The following RAPGEF2 variants were observed in gnomAD, a reference collection of about 807,000 sequenced individuals.
RAPGEF2 encodes PDZ domain containing guanine nucleotide exchange factor (GEF) 1.
Under a neutral mutation model 186.7 loss-of-function variants are expected in RAPGEF2, and 54 were observed. The ratio of observed to expected loss-of-function variants is 0.29; its 90% CI spans 0.23 to 0.36. RAPGEF2 has a LOEUF of 0.36. Among genes scored for constraint, RAPGEF2 ranks in the 10% least tolerant of loss-of-function variants. RAPGEF2 has a pLI of 1.00. For missense variants in RAPGEF2, 1,532 were observed against 2,045.0 expected (o/e 0.75, Z 4.84); for synonymous variants, 712 against 705.9 (o/e 1.01, Z -0.14).
rs116112045 is a variant in RAPGEF2 at position 159,265,169 on chromosome 4, C to T, written c.543+21378C>T. Reference sequence around the variant, plus strand: ...GTCAGTGGAAGGTTCACTCACTCAACAAGAACGTGAGTGCCTACAGTGCTT... The same window carrying T: ...GTCAGTGGAAGGTTCACTCACTCAATAAGAACGTGAGTGCCTACAGTGCTT... On this transcript the variant is annotated intron_variant, in intron 7 of 29. Coordinates refer to ENST00000691494, the MANE Select transcript of RAPGEF2 (RefSeq NM_001394067.2). Among the ~76,000 whole-genome samples, 480 of 152,284 alleles carry T rather than the reference C, an allele frequency of 3.2e-3. 2 individuals carry two copies. The highest frequency in any genetic ancestry group is 0.011 in the African/African-American group (454 of 41,550).
At chr4:159,113,723 C>T (rs927230604) in intron 1 of RAPGEF2, among the ~76,000 whole-genome samples, 10 of 129,850 alleles carry the variant, frequency 7.7e-5, no homozygotes, top group African/African-American at 2.7e-4. Flanking sequence ...GCCTGGGTGA[C>T]GGATGAGACT....
At chr4:159,197,994 GAC>G (rs1357356857) in intron 3 of RAPGEF2, among the ~76,000 whole-genome samples, 1 of 152,132 alleles carries the variant, frequency 6.6e-6, no homozygotes, top group East Asian at 1.9e-4. Flanking sequence ...CCGTAAGCCT[GAC>G]CCTAAGCGTG....
intron 1 of RAPGEF2, among the ~76,000 whole-genome samples, chr4:159,124,239 G>A (rs1428185680): frequency 6.6e-6 from 1 of 151,756 alleles, no homozygotes; most frequent in Non-Finnish European, 1.5e-5. Context: ...TGATTTCAGG[G>A]CACAATATCT....
At chr4:159,334,250 A>T (rs930744811) in intron 17 of RAPGEF2, among the ~76,000 whole-genome samples, 14 of 152,122 alleles carry the variant, frequency 9.2e-5, no homozygotes, top group African/African-American at 2.7e-4. Context: ...CAGATTTTTT[A>T]AATTAATTTA....
At position 159,313,539 on chromosome 4, in the gene RAPGEF2, T is replaced by C. The variant is rs1416565896; in HGVS notation, c.676-1052T>C. 2.0e-5 allele frequency among the ~76,000 whole-genome samples: 3 copies of C among 152,132 alleles called. No homozygotes were observed. In the East Asian group the frequency reaches 5.8e-4, roughly 29 times the overall value. On this transcript the variant is annotated intron_variant, in intron 8 of 29. Transcript: ENST00000691494. ...TTATTATCAAAGTCAGTATTTTATA[T>C]TTTTATCTTTCTTTTAAAAAATATT...
chr4:159,116,436 A>G (rs1283936423), intron 1 of RAPGEF2, among the ~76,000 whole-genome samples: 1 of 152,162 alleles, frequency 6.6e-6, no homozygotes, highest in Non-Finnish European at 1.5e-5. Flanking sequence ...GAAACAACAG[A>G]TGCTGGTGAG....
intron 8 of RAPGEF2, among the ~76,000 whole-genome samples, chr4:159,311,165 C>G (rs1367247246): frequency 6.6e-6 from 1 of 152,076 alleles, no homozygotes; most frequent in African/African-American, 2.4e-5. Context: ...GTTAGTAATA[C>G]TAACTTGCTG....
At chr4:159,178,790 C>G (rs967455442) in intron 1 of RAPGEF2, among the ~76,000 whole-genome samples, 10 of 152,006 alleles carry the variant, frequency 6.6e-5, no homozygotes, top group Admixed American at 3.9e-4. Flanking sequence ...AGCTCCTGAC[C>G]TCAGGCAATT....
intron 1 of RAPGEF2, among the ~76,000 whole-genome samples, chr4:159,122,079 A>G (rs923720080): frequency 8.0e-5 from 12 of 150,734 alleles, no homozygotes; most frequent in Non-Finnish European, 7.4e-5. Flanking sequence ...TTATGGAAAA[A>G]TTATGAAATA....
At chr4:159,260,046 A>G (rs1165489963) in intron 7 of RAPGEF2, among the ~76,000 whole-genome samples, 10 of 152,008 alleles carry the variant, frequency 6.6e-5, no homozygotes, top group African/African-American at 2.4e-4. Flanking sequence ...TGCCCAGGCT[A>G]GAGTGCAGTG....
chr4:159,196,812 GTTATTGTTTTAACATGAACGACCAAGA>G (rs1219194436), intron 3 of RAPGEF2, among the ~76,000 whole-genome samples: 1 of 152,222 alleles, frequency 6.6e-6, no homozygotes, highest in Non-Finnish European at 1.5e-5. Flanking sequence ...CTCTGATGGT[GTTATTGTTTTAACATGAACGACCAAGA>G]TGACAAAAAC....
At chr4:159,330,709 C>A in intron 13 of RAPGEF2, 1 of 467,456 alleles carries the variant, frequency 2.1e-6, no homozygotes, top group Non-Finnish European at 3.7e-6. Context: ...TTAGTTCAGC[C>A]TTCTTTAAAC....
chr4:159,208,985 G>T (rs915041928), intron 3 of RAPGEF2, among the ~76,000 whole-genome samples: 3 of 151,984 alleles, frequency 2.0e-5, no homozygotes, highest in Admixed American at 1.3e-4. Flanking sequence ...CCGCCTCCCG[G>T]GTTCAAGCGA....
Position 159,238,799 on chromosome 4 carries a change from T to A in RAPGEF2, c.282-10T>A. The A allele has an allele frequency of 6.6e-7, 1 of 1,516,050 alleles. No homozygotes were observed. Among genetic ancestry groups the A allele is most frequent in the Non-Finnish European group, 8.8e-7 (1 of 1,140,614 alleles). 93.9% of individuals were successfully genotyped at this position (1,516,050 alleles called of 1,614,324 possible). A position where few individuals can be genotyped will look rare whatever the true frequency, so the allele number is the denominator to read the frequency against. On this transcript the variant is annotated splice_polypyrimidine_tract_variant and intron_variant, in intron 4 of 29. Transcript: ENST00000691494. ...TTCTCCTCATTGATTTTTTTTTTCTTTCTTTCTAGTTTTGGCAAGCGTTCT... is the reference window on the plus strand; with the variant it reads ...TTCTCCTCATTGATTTTTTTTTTCTATCTTTCTAGTTTTGGCAAGCGTTCT...
intron 4 of RAPGEF2, among the ~76,000 whole-genome samples, chr4:159,219,347 CTTTTTTTTTTTTTTTT>C (rs70962664): frequency 3.1e-3 from 252 of 81,420 alleles, no homozygotes; most frequent in Non-Finnish European, 4.8e-3. Context: ...CAACTGTATC[CTTTTTTTTTTTTTTTT>C]TTTTTTTTTT....
chr4:159,151,698 G>A (rs1475727387), intron 1 of RAPGEF2, among the ~76,000 whole-genome samples: 1 of 152,182 alleles, frequency 6.6e-6, no homozygotes, highest in African/African-American at 2.4e-5. Flanking sequence ...GGAAGGTGTA[G>A]TGAGAGGTAT....
At chr4:159,149,122 A>T (rs904033660) in intron 1 of RAPGEF2, among the ~76,000 whole-genome samples, 3 of 152,250 alleles carry the variant, frequency 2.0e-5, no homozygotes, top group Non-Finnish European at 4.4e-5. Context: ...ATTCTGGGAA[A>T]TACTGTTCTA....
In RAPGEF2 at chr4:159,183,337, A is replaced by G. The variant is rs140484932; in HGVS notation, c.70-3305A>G. On this transcript the variant is annotated intron_variant, in intron 1 of 29. Coordinates refer to ENST00000691494, the MANE Select transcript of RAPGEF2 (RefSeq NM_001394067.2). Reference sequence around the variant, plus strand: ...AATGTGGTAAAGAATAGTCTTTCCAACAGAGGGTTCCAGGACAACTGATAT... The same window carrying G: ...AATGTGGTAAAGAATAGTCTTTCCAGCAGAGGGTTCCAGGACAACTGATAT... 4.6e-3 allele frequency among the ~76,000 whole-genome samples: 702 copies of G among 152,350 alleles called. 4 individuals are homozygous for G. The highest frequency in any genetic ancestry group is 8.0e-3 in the Non-Finnish European group (543 of 68,040).
At chr4:159,154,272 A>G (rs1391217571) in intron 1 of RAPGEF2, among the ~76,000 whole-genome samples, 1 of 152,222 alleles carries the variant, frequency 6.6e-6, no homozygotes, top group Non-Finnish European at 1.5e-5. Flanking sequence ...TGTTGGTGAA[A>G]TGGCAAGAAA....
Sources: allele counts gnomAD v4.1 joint callset (sites outside exome capture counted in the v4.1 genomes callset), GRCh38; gene constraint gnomAD v4.1.1; transcripts MANE v1.5; gene names NCBI Gene and HGNC (gene_info 2026-07-23, HGNC 2026-07-21).